Variants in AP1B1 observed in about 807,000 individuals in gnomAD.
AP1B1 encodes the protein adaptor related protein complex 1 subunit beta 1.
In AP1B1, 36 loss-of-function variants were observed where a neutral mutation model predicts 104.3. The observed-to-expected ratio is 0.35, with a 90% confidence interval of 0.26 to 0.46. The LOEUF is 0.46. Among genes scored for constraint, AP1B1 ranks in the 20% least tolerant of loss-of-function variants. AP1B1 has a pLI of 1.00. For missense variants in AP1B1, 901 were observed against 1,247.9 expected (o/e 0.72, Z 4.19); for synonymous variants, 504 against 517.5 (o/e 0.97, Z 0.35).
intron 4 of AP1B1, 128 bp downstream of exon 4, chr22:29,359,696 C>T: frequency 1.6e-6 from 2 of 1,248,048 alleles, no homozygotes; most frequent in Non-Finnish European, 1.1e-6. Context: ...GGCCTGCAGG[C>T]TGGGCGGGCG....
chr22:29,360,881 C>A (rs538468760), intron 3 of AP1B1, among the ~76,000 whole-genome samples: 1 of 152,146 alleles, frequency 6.6e-6, no homozygotes, highest in South Asian at 2.1e-4. Context: ...TAGGAAAGGA[C>A]GTGTCAACAT....
At position 29,383,032 on chromosome 22, in the gene AP1B1, C is replaced by G. The variant is rs1602832943; in HGVS notation, c.-28+5392G>C. 2.6e-5 allele frequency among the ~76,000 whole-genome samples: 4 copies of G among 152,236 alleles called. 1 individual carries two copies. The South Asian group carries it at 8.3e-4, about 32-fold the overall frequency. On this transcript the variant is annotated intron_variant, in intron 1 of 22. Coordinates refer to ENST00000357586, the MANE Select transcript of AP1B1 (RefSeq NM_001127.4). ...CATTTTTTTCTCTACTTCTTTGTCT[C>G]TCTCTCCCATTAAAATGAAGTAAGC...
intron 2 of AP1B1, among the ~76,000 whole-genome samples, chr22:29,366,664 C>A (rs2078794): frequency 4.0e-5 from 6 of 151,556 alleles, no homozygotes; most frequent in African/African-American, 1.2e-4. Flanking sequence ...CTGGGCATAG[C>A]GGCGGGCGCA....
At chr22:29,378,939 C>T (rs983174514) in intron 1 of AP1B1, among the ~76,000 whole-genome samples, 7 of 151,636 alleles carry the variant, frequency 4.6e-5, no homozygotes, top group Non-Finnish European at 7.4e-5. Flanking sequence ...GAACTAAAGG[C>T]AGACAAATGT....
At chr22:29,361,364 GT>G (rs1170268593) in intron 3 of AP1B1, among the ~76,000 whole-genome samples, 1 of 152,202 alleles carries the variant, frequency 6.6e-6, no homozygotes, top group African/African-American at 2.4e-5. Context: ...CAGCACCCGG[GT>G]TATGAGGCAC....
At chr22:29,367,783 A>C (rs2062168017) in intron 1 of AP1B1, among the ~76,000 whole-genome samples, 1 of 152,182 alleles carries the variant, frequency 6.6e-6, no homozygotes, top group Non-Finnish European at 1.5e-5. Context: ...ATATTACCCT[A>C]TACAGTCAAA....
intron 14 of AP1B1, among the ~76,000 whole-genome samples, chr22:29,340,032 C>T (rs919440265): frequency 1.3e-5 from 2 of 152,142 alleles, no homozygotes; most frequent in African/African-American, 4.8e-5. Context: ...GCACTGATCA[C>T]CAGTGTCCTG....
intron 17 of AP1B1, 150 bp downstream of exon 17, chr22:29,334,115 T>G: frequency 1.1e-6 from 1 of 884,700 alleles, no homozygotes; most frequent in South Asian, 2.0e-5. Flanking sequence ...AGTTTTGGCC[T>G]GAGCGGTGGT....
chr22:29,333,955 C>A (rs1359277092), intron 17 of AP1B1, among the ~76,000 whole-genome samples: 1 of 152,206 alleles, frequency 6.6e-6, no homozygotes, highest in African/African-American at 2.4e-5. Flanking sequence ...GTCCCAGTTA[C>A]TCGGGAGGCT....
intron 7 of AP1B1, among the ~76,000 whole-genome samples, 160 bp downstream of exon 7, chr22:29,354,490 C>T (rs1436114500): frequency 6.6e-6 from 1 of 152,134 alleles, no homozygotes; most frequent in South Asian, 2.1e-4. Context: ...CCAAATATCC[C>T]TCAGGGGGGC....
chr22:29,372,612 G>GA (rs1217490918), intron 1 of AP1B1, among the ~76,000 whole-genome samples: 2 of 151,322 alleles, frequency 1.3e-5, no homozygotes, highest in East Asian at 1.9e-4. Context: ...AGGTCCTAAG[G>GA]AAAAAAAAGG....
At chr22:29,356,903 T>C (rs2061967141) in intron 5 of AP1B1, among the ~76,000 whole-genome samples, 1 of 152,182 alleles carries the variant, frequency 6.6e-6, no homozygotes, top group Non-Finnish European at 1.5e-5. Context: ...GCAGCGCCTG[T>C]CTACCAGCAA....
chr22:29,337,125 G>A (rs1386346203), intron 16 of AP1B1, among the ~76,000 whole-genome samples: 4 of 152,228 alleles, frequency 2.6e-5, no homozygotes, highest in Admixed American at 1.3e-4. Flanking sequence ...GAAGGCAGGT[G>A]CACAGGTGGT....
At chr22:29,387,680 G>A (rs567308623) in intron 1 of AP1B1, among the ~76,000 whole-genome samples, 46 of 152,296 alleles carry the variant, frequency 3.0e-4, no homozygotes, top group Middle Eastern at 3.4e-3. Flanking sequence ...GCAGGTCTCT[G>A]ACAGCCTGGC....
chr22:29,336,481 G>A (rs1182839237), intron 16 of AP1B1, among the ~76,000 whole-genome samples: 4 of 152,070 alleles, frequency 2.6e-5, no homozygotes, highest in African/African-American at 7.3e-5. Context: ...GACCCTTCAC[G>A]AAGACAAAGC....
chr22:29,341,417 C>T, intron 13 of AP1B1, 84 bp downstream of exon 13: 1 of 1,528,788 alleles, frequency 6.5e-7, no homozygotes. Context: ...TGCTGGGGGA[C>T]AACACGCCAG....
At chr22:29,373,909 A>ATTTTGTTTTTAAAAAAATAACAAAAT (rs1186297151) in intron 1 of AP1B1, among the ~76,000 whole-genome samples, 1 of 150,136 alleles carries the variant, frequency 6.7e-6, no homozygotes, top group Non-Finnish European at 1.5e-5. Flanking sequence ...CTGAAAAAAA[A>ATTTTGTTTTTAAAAAAATAACAAAAT]AAAAAAGGCA....
Position 29,328,961 on chromosome 22 carries a change from G to T in AP1B1, c.2776-66C>A. 1 of 1,566,002 alleles carries T rather than the reference G, an allele frequency of 6.4e-7. No homozygotes were observed. Among genetic ancestry groups the T allele is most frequent in the South Asian group, 1.2e-5 (1 of 85,332 alleles). ...CTGGGGTTCCTCTCAGGAAGGAAAGGGGTGGGGAAGAGAGCAGGAACCAAT... is the reference window on the plus strand; with the variant it reads ...CTGGGGTTCCTCTCAGGAAGGAAAGTGGTGGGGAAGAGAGCAGGAACCAAT... On this transcript the variant is annotated intron_variant, in intron 22 of 22. Transcript: ENST00000357586. This position sits in a 1 kb window ranked among gnomAD's most constrained non-coding sequence, Gnocchi z 4.1.
At chr22:29,329,843 A>T (rs1488319523) in intron 21 of AP1B1, 123 bp from the exon 22 acceptor site, 2 of 1,533,778 alleles carry the variant, frequency 1.3e-6, no homozygotes, top group East Asian at 4.7e-5. Context: ...AGGACCCAGG[A>T]GGGGCAGTGT....
Sources: allele counts gnomAD v4.1 joint callset (sites outside exome capture counted in the v4.1 genomes callset), GRCh38; gene constraint gnomAD v4.1.1; non-coding constraint Gnocchi (gnomAD v3.1); transcripts MANE v1.5; gene names NCBI Gene and HGNC (gene_info 2026-07-23, HGNC 2026-07-21).